Variants in NRXN3 observed in about 807,000 individuals in gnomAD.
NRXN3 encodes neurexin III.
NRXN3 carries 32 observed loss-of-function variants against 137.6 expected under a neutral mutation model. The observed-to-expected ratio is 0.23, with a 90% confidence interval of 0.18 to 0.31. The LOEUF is 0.31. Among genes scored for constraint, NRXN3 ranks in the 10% least tolerant of loss-of-function variants. The pLI, the probability that NRXN3 is intolerant of heterozygous loss-of-function variation, is 1.00. For missense variants in NRXN3, 1,574 were observed against 2,062.5 expected (o/e 0.76, Z 4.59); for synonymous variants, 798 against 784.5 (o/e 1.02, Z -0.29).
intron 15 of NRXN3, among the ~76,000 whole-genome samples, chr14:79,197,404 G>T (rs2065275739): frequency 6.6e-6 from 1 of 152,178 alleles, no homozygotes; most frequent in Non-Finnish European, 1.5e-5. Context: ...GATAATAAGA[G>T]TGTGGTTCTC....
intron 15 of NRXN3, among the ~76,000 whole-genome samples, chr14:79,356,686 C>T (rs1278285626): frequency 6.6e-6 from 1 of 152,126 alleles, no homozygotes; most frequent in Non-Finnish European, 1.5e-5. Context: ...CGCCCCACTG[C>T]CTCCCCATTT....
chr14:78,478,490 G>C (rs1440951723), intron 4 of NRXN3, among the ~76,000 whole-genome samples: 2 of 151,986 alleles, frequency 1.3e-5, no homozygotes, highest in African/African-American at 2.4e-5. Flanking sequence ...ATTAGAGGAT[G>C]GAAAAGCATG....
chr14:78,472,451 C>G (rs1250151271), intron 4 of NRXN3, among the ~76,000 whole-genome samples: 1 of 152,158 alleles, frequency 6.6e-6, no homozygotes, highest in Admixed American at 6.5e-5. Flanking sequence ...CCATTTTGTT[C>G]TTATGTGGAA....
At chr14:78,259,000 C>T (rs563256922) in intron 2 of NRXN3, among the ~76,000 whole-genome samples, 7 of 151,928 alleles carry the variant, frequency 4.6e-5, no homozygotes, top group East Asian at 3.9e-4. Flanking sequence ...GGCGTGGTGG[C>T]GGGTGCCTGT....
chr14:78,831,596 A>C (rs188875405), intron 10 of NRXN3, among the ~76,000 whole-genome samples: 117 of 150,210 alleles, frequency 7.8e-4, no homozygotes, highest in African/African-American at 2.9e-3. Context: ...ACTCATTTGC[A>C]ATTTTAGCAG....
chr14:79,755,728 T>C (rs2099017170), intron 19 of NRXN3, among the ~76,000 whole-genome samples: 1 of 152,192 alleles, frequency 6.6e-6, no homozygotes, highest in African/African-American at 2.4e-5. Context: ...CTTTTTATGC[T>C]AGGCAGGTTC....
intron 15 of NRXN3, among the ~76,000 whole-genome samples, chr14:79,043,060 G>A (rs553589849): frequency 6.6e-6 from 1 of 152,186 alleles, no homozygotes; most frequent in African/African-American, 2.4e-5. Context: ...AGTTAATCAG[G>A]AATTTGTTAG....
At chr14:79,454,721 TATC>T (rs1219351220) in intron 15 of NRXN3, among the ~76,000 whole-genome samples, 1 of 152,174 alleles carries the variant, frequency 6.6e-6, no homozygotes, top group African/African-American at 2.4e-5. Flanking sequence ...TGATAATCTC[TATC>T]ATATTTAGAA....
rs144106903 is a variant in NRXN3, at chr14:78,444,181, G to A, written c.757+146321G>A. Among the ~76,000 whole-genome samples, 66 of 152,338 alleles carry A rather than the reference G, an allele frequency of 4.3e-4. No individual in the cohort carries two copies. In the East Asian group the frequency reaches 0.01, roughly 23 times the overall value. ...TTATTGACCTCCTAATATAAGCCAT[G>A]TCCTTCCCTCAAATATTTTATTCTC... On this transcript the variant is annotated intron_variant, in intron 4 of 20. Coordinates refer to ENST00000335750, the MANE Select transcript of NRXN3 (RefSeq NM_001330195.2).
chr14:79,703,930 G>A (rs1269573549), intron 19 of NRXN3, among the ~76,000 whole-genome samples: 1 of 152,080 alleles, frequency 6.6e-6, no homozygotes, highest in African/African-American at 2.4e-5. Context: ...AGAACTCACA[G>A]ATCTCCCTAG....
intron 19 of NRXN3, among the ~76,000 whole-genome samples, chr14:79,709,822 G>A (rs1375361970): frequency 6.6e-6 from 1 of 151,970 alleles, no homozygotes; most frequent in Non-Finnish European, 1.5e-5. Flanking sequence ...AAGGAGAGAG[G>A]AAGATGCATG....
chr14:79,504,925 G>A (rs1457367351), intron 16 of NRXN3, among the ~76,000 whole-genome samples: 4 of 151,994 alleles, frequency 2.6e-5, no homozygotes, highest in African/African-American at 7.2e-5. Flanking sequence ...AAAGAAAGGT[G>A]TGAAAATGGC....
At chr14:78,201,851 C>T (rs145882705) in intron 1 of NRXN3, among the ~76,000 whole-genome samples, 3 of 152,202 alleles carry the variant, frequency 2.0e-5, no homozygotes, top group South Asian at 2.1e-4. Flanking sequence ...CCATCTTCTC[C>T]GATGACGCGC....
In NRXN3 at chr14:78,714,627, A is replaced by G. The variant is rs1468599890; in HGVS notation, c.1661-129A>G. 5 of 1,053,906 alleles carry G rather than the reference A, an allele frequency of 4.7e-6. No individual in the cohort carries two copies. The South Asian group carries it at 6.1e-5, about 13-fold the overall frequency. The allele number at this position is 1,053,906 out of a possible 1,614,324, so 65.3% of individuals were successfully genotyped here. A position where few individuals can be genotyped will look rare whatever the true frequency, so the allele number is the denominator to read the frequency against. ...ATTGTCTTTTCCATTGTCTTGTAAC[A>G]TCTAATTCTCTTGCTTACATTGTTC... On this transcript the variant is annotated intron_variant, in intron 7 of 20. Coordinates refer to ENST00000335750, the MANE Select transcript of NRXN3 (RefSeq NM_001330195.2).
intron 15 of NRXN3, among the ~76,000 whole-genome samples, chr14:79,370,080 A>G (rs981790636): frequency 1.3e-5 from 2 of 152,202 alleles, no homozygotes; most frequent in Admixed American, 1.3e-4. Flanking sequence ...ACATGAAGTA[A>G]GGAAAGTCGG....
chr14:79,232,208 A>G (rs2072341851), intron 15 of NRXN3, among the ~76,000 whole-genome samples: 1 of 152,078 alleles, frequency 6.6e-6, no homozygotes, highest in Non-Finnish European at 1.5e-5. Context: ...TTTTCATCCC[A>G]TGGCATCTGG....
chr14:79,152,301 C>T (rs1282821987), intron 15 of NRXN3, among the ~76,000 whole-genome samples: 1 of 151,874 alleles, frequency 6.6e-6, no homozygotes, highest in African/African-American at 2.4e-5. Context: ...CTTTAAAATC[C>T]CTTTGCAGAA....
chr14:79,045,352 C>T (rs759239754), intron 15 of NRXN3, among the ~76,000 whole-genome samples: 1 of 152,180 alleles, frequency 6.6e-6, no homozygotes, highest in Non-Finnish European at 1.5e-5. Flanking sequence ...CAATCCTGAT[C>T]CTAGGCACTG....
chr14:79,433,034 G>A (rs1286500565), intron 15 of NRXN3, among the ~76,000 whole-genome samples: 4 of 151,886 alleles, frequency 2.6e-5, no homozygotes, highest in Admixed American at 1.3e-4. Flanking sequence ...GGTTTTCCCC[G>A]GCACCTAACA....
Sources: allele counts gnomAD v4.1 joint callset (sites outside exome capture counted in the v4.1 genomes callset), GRCh38; gene constraint gnomAD v4.1.1; transcripts MANE v1.5; gene names NCBI Gene and HGNC (gene_info 2026-07-23, HGNC 2026-07-21).